The following ITSN2 variants were observed in gnomAD, a reference collection of about 807,000 sequenced individuals.
ITSN2 encodes intersectin-2.
In ITSN2, 156 loss-of-function variants were observed where a neutral mutation model predicts 243.7. The ratio of observed to expected loss-of-function variants is 0.64; its 90% CI spans 0.56 to 0.73. The LOEUF (loss-of-function observed/expected upper bound fraction) is 0.73. Ranked by LOEUF, ITSN2 falls within the 30% of genes least tolerant of loss-of-function variation. ITSN2 has a pLI of 0.00. For missense variants in ITSN2, 1,801 were observed against 1,996.1 expected (o/e 0.90, Z 1.86); for synonymous variants, 703 against 699.9 (o/e 1.00, Z -0.07).
intron 1 of ITSN2, among the ~76,000 whole-genome samples, chr2:24,328,896 T>C (rs1048101731): frequency 6.6e-6 from 1 of 152,124 alleles, no homozygotes; most frequent in Non-Finnish European, 1.5e-5. Flanking sequence ...ATTATTAAAA[T>C]ACATATATAA....
intron 29 of ITSN2, among the ~76,000 whole-genome samples, chr2:24,238,470 ATTAACT>A (rs1672397389): frequency 6.6e-6 from 1 of 152,206 alleles, no homozygotes; most frequent in African/African-American, 2.4e-5. Context: ...CACCAACATG[ATTAACT>A]TTAACACTGC....
intron 17 of ITSN2, among the ~76,000 whole-genome samples, chr2:24,278,180 C>T (rs574286794): frequency 6.6e-6 from 1 of 152,238 alleles, no homozygotes. Context: ...AGCCCTCCAA[C>T]TTGTCCTTTA....
At position 24,311,062 on chromosome 2, in the gene ITSN2, T is replaced by TACACACAC. The variant is rs71397421; in HGVS notation, c.353-378_353-371dup. On this transcript the variant is annotated intron_variant, in intron 5 of 39. Transcript: ENST00000355123. Reference sequence around the variant, plus strand: ...CAGTGCTACTAAGTTACTTGACTAATACACACACACACACACACACACACA... The same window carrying TACACACAC: ...CAGTGCTACTAAGTTACTTGACTAATACACACACACACACACACACACACACACACACA... Among the ~76,000 whole-genome samples the TACACACAC allele has an allele frequency of 5.5e-3, 815 of 147,980 alleles. 8 individuals are homozygous for TACACACAC. Among genetic ancestry groups the TACACACAC allele is most frequent in the African/African-American group, 0.019 (767 of 40,602 alleles).
rs1172267831 is a variant in ITSN2, at chr2:24,246,146, G to A, written c.3560C>T (p.Ser1187Leu). 2.5e-6 allele frequency: 4 copies of A among 1,611,562 alleles called. No individual in the cohort carries two copies. The highest frequency in any genetic ancestry group is 3.4e-6 in the Non-Finnish European group (4 of 1,178,652). ...PSNYVKMTTDSDPSQQWCADL... is the reference protein window; with the variant it reads ...PSNYVKMTTDLDPSQQWCADL... ...TTACTCACACTGTTGACTTGGATCT[G>A]AGTCTGTCGTCATCTTAACGTAGTT... The change falls in exon 29 of 40, where the codon TCA (serine) becomes TTA (leucine). Residue 1187 changes from serine (S) to leucine (L), a missense_variant. Around this residue, in one of 5 missense-constraint regions of ITSN2, gnomAD observed 928 missense variants for 1,065.4 expected, o/e 0.87. Transcript: ENST00000355123.
chr2:24,313,081 CCTTT>C (rs1683455932), intron 4 of ITSN2, among the ~76,000 whole-genome samples: 2 of 144,598 alleles, frequency 1.4e-5, no homozygotes, highest in African/African-American at 4.9e-5. Context: ...TGAAGAAATA[CCTTT>C]TTTTTTTTTT....
chr2:24,344,917 A>G (rs1035979521), intron 1 of ITSN2, among the ~76,000 whole-genome samples: 1 of 152,224 alleles, frequency 6.6e-6, no homozygotes, highest in Non-Finnish European at 1.5e-5. Context: ...GCGCCAGTGC[A>G]TTCCAGCCTG....
chr2:24,237,130 A>C (rs1486372763), intron 29 of ITSN2, among the ~76,000 whole-genome samples: 1 of 152,146 alleles, frequency 6.6e-6, no homozygotes, highest in Non-Finnish European at 1.5e-5. Context: ...ACCGCTTACT[A>C]GCAGGTTCCA....
At position 24,310,672 on chromosome 2, in the gene ITSN2, G is replaced by A. The variant is rs1683151000; in HGVS notation, c.373C>T (p.Leu125=). The change falls in exon 6 of 40, where the codon CTG becomes TTG. Residue 125 remains leucine, a synonymous_variant. Coordinates refer to ENST00000355123, the MANE Select transcript of ITSN2 (RefSeq NM_006277.3). ...ARFGMGSMPN[L]SIPQPLPPAA... ...GGAGGCAATGGCTGAGGAATGGACA[G>A]ATTGGGCATGCTTCCCATTCCTAAA... The A allele has an allele frequency of 6.2e-7, 1 of 1,613,966 alleles. No individual in the cohort carries two copies. Among genetic ancestry groups the A allele is most frequent in the Admixed American group, 1.7e-5 (1 of 59,998 alleles).
At chr2:24,276,436 G>A (rs886131704) in intron 17 of ITSN2, among the ~76,000 whole-genome samples, 29 of 152,206 alleles carry the variant, frequency 1.9e-4, no homozygotes, top group African/African-American at 6.7e-4. Context: ...GCTATAAAGC[G>A]TTCCAAGAGG....
intron 25 of ITSN2, among the ~76,000 whole-genome samples, chr2:24,251,007 T>C (rs1215286986): frequency 2.0e-5 from 3 of 151,720 alleles, no homozygotes; most frequent in Non-Finnish European, 4.4e-5. Flanking sequence ...CTGGCCAATA[T>C]GGTGAAACCC....
chr2:24,360,955 C>G (rs767416503), upstream of ITSN2, among the ~76,000 whole-genome samples: 3 of 152,250 alleles, frequency 2.0e-5, no homozygotes, highest in Non-Finnish European at 4.4e-5. Flanking sequence ...CTCCACTGAT[C>G]TGGGGGAACG....
At chr2:24,317,119 G>A (rs1361543250) in intron 2 of ITSN2, among the ~76,000 whole-genome samples, 2 of 152,218 alleles carry the variant, frequency 1.3e-5, no homozygotes, top group Non-Finnish European at 2.9e-5. Context: ...GGTGGCTCAC[G>A]CCTGTAATCC....
intron 20 of ITSN2, among the ~76,000 whole-genome samples, chr2:24,269,105 TC>T (rs1677038991): frequency 6.6e-6 from 1 of 151,792 alleles, no homozygotes. Context: ...AGGCTCCACT[TC>T]CTCTAATAAT....
At chr2:24,321,046 C>T (rs1282447224) in intron 2 of ITSN2, among the ~76,000 whole-genome samples, 2 of 152,132 alleles carry the variant, frequency 1.3e-5, no homozygotes, top group Non-Finnish European at 2.9e-5. Flanking sequence ...GGGAGAGGAA[C>T]CCTTGGGAGA....
rs1683091360 is a variant in ITSN2 at position 24,310,265 on chromosome 2, CAG to C, written c.653+17_653+18del. 6.6e-7 allele frequency: 1 copy of C among 1,503,856 alleles called. No homozygotes were observed. The highest frequency in any genetic ancestry group is 1.2e-5 in the South Asian group (1 of 83,554). 93.2% of individuals were successfully genotyped at this position (1,503,856 alleles called of 1,614,324 possible). A position where few individuals can be genotyped will look rare whatever the true frequency, so the allele number is the denominator to read the frequency against. On this transcript the variant is annotated intron_variant, in intron 7 of 39. Coordinates refer to ENST00000355123, the MANE Select transcript of ITSN2 (RefSeq NM_006277.3). ...TCTTACTGAAAGCATAAAAAGTTGT[CAG>C]AGTTAGCTATTCATACCTACTAGAT...
intron 18 of ITSN2, among the ~76,000 whole-genome samples, chr2:24,272,829 C>T (rs1241732475): frequency 1.3e-5 from 2 of 152,154 alleles, no homozygotes; most frequent in Non-Finnish European, 2.9e-5. Context: ...GTAAACATTT[C>T]AATGAAATCT....
At chr2:24,276,695 C>T (rs1678052820) in intron 17 of ITSN2, among the ~76,000 whole-genome samples, 1 of 152,242 alleles carries the variant, frequency 6.6e-6, no homozygotes, top group African/African-American at 2.4e-5. Flanking sequence ...AGAGCTCCTC[C>T]CATTCCCATC....
intron 1 of ITSN2, among the ~76,000 whole-genome samples, chr2:24,350,881 A>C (rs1455753155): frequency 6.6e-6 from 1 of 152,236 alleles, no homozygotes; most frequent in Admixed American, 6.5e-5. Context: ...CATTGGGTAT[A>C]GGAGGTTCTT....
intron 29 of ITSN2, among the ~76,000 whole-genome samples, chr2:24,238,110 A>G (rs537662587): frequency 4.6e-5 from 7 of 152,314 alleles, no homozygotes; most frequent in South Asian, 2.1e-4. Context: ...TGCTTCCTCC[A>G]GCAAGTCTCT....
Sources: allele counts gnomAD v4.1 joint callset (sites outside exome capture counted in the v4.1 genomes callset), GRCh38; gene constraint gnomAD v4.1.1; regional missense constraint gnomAD v4.1.1; transcripts MANE v1.5; gene names NCBI Gene and HGNC (gene_info 2026-07-23, HGNC 2026-07-21).